Variants in INSYN2B observed in about 807,000 individuals in gnomAD.
The protein encoded by INSYN2B is protein INSYN2B.
In INSYN2B, 16 loss-of-function variants were observed where a neutral mutation model predicts 41.2. That is an observed-to-expected ratio of 0.39 (90% CI 0.26 to 0.59). INSYN2B has a LOEUF of 0.59. Among genes scored for constraint, INSYN2B ranks in the 20% least tolerant of loss-of-function variants. INSYN2B has a pLI of 0.57. For missense variants in INSYN2B, 608 were observed against 646.4 expected, an observed-to-expected ratio of 0.94 and a Z score of 0.64; for synonymous variants, 245 against 244.4, an observed-to-expected ratio of 1.00 and a Z score of -0.02.
chr5:169,868,051 A>G (rs1326293537), intron 3 of INSYN2B, among the ~76,000 whole-genome samples: 4 of 152,288 alleles, frequency 2.6e-5, no homozygotes, highest in East Asian at 1.9e-4. Context: ...TTCATCATAG[A>G]GTACCAGATA....
Position 169,863,792 on chromosome 5 carries a change from T to C in INSYN2B, c.*481A>G, listed in dbSNP as rs1771357777. On this transcript the variant is annotated 3_prime_UTR_variant, in exon 4 of 4. Transcript: ENST00000377365. ...CTTGTGCTTATTATGTATGCTGATA[T>C]CTTAGAAAACTGCCAGTTTATCTCA... 6.6e-6 allele frequency among the ~76,000 whole-genome samples: 1 copy of C among 152,262 alleles called. No individual in the cohort carries two copies. Among genetic ancestry groups the C allele is most frequent in the Non-Finnish European group, 1.5e-5 (1 of 68,046 alleles).
intron 1 of INSYN2B, among the ~76,000 whole-genome samples, chr5:169,887,520 G>A (rs948664553): frequency 6.6e-6 from 1 of 152,150 alleles, no homozygotes; most frequent in Non-Finnish European, 1.5e-5. Context: ...TTTGTTCACT[G>A]AACAACCTGG....
At chr5:169,942,259 T>C (rs1226382486) in intron 1 of INSYN2B, among the ~76,000 whole-genome samples, 1 of 152,188 alleles carries the variant, frequency 6.6e-6, no homozygotes, top group Non-Finnish European at 1.5e-5. Context: ...TTATCTTCCT[T>C]GGTCTATTCT....
intron 1 of INSYN2B, among the ~76,000 whole-genome samples, chr5:169,948,613 A>ATTTTTTTTTTTTTTTTTTTTTTTTTTTTT (rs772095719): frequency 7.4e-6 from 1 of 135,946 alleles, no homozygotes; most frequent in South Asian, 2.5e-4. Flanking sequence ...TCCACAATTA[A>ATTTTTTTTTTTTTTTTTTTTTTTTTTTTT]TTTTTTTTTT....
intron 1 of INSYN2B, among the ~76,000 whole-genome samples, chr5:169,976,355 A>G (rs1474339078): frequency 1.3e-5 from 2 of 152,340 alleles, no homozygotes; most frequent in East Asian, 3.9e-4. Context: ...ACCTCCAGGT[A>G]TCTAACTTTC....
chr5:169,929,917 GCATATTAAA>G (rs984774780), intron 1 of INSYN2B, among the ~76,000 whole-genome samples: 1 of 152,088 alleles, frequency 6.6e-6, no homozygotes, highest in Non-Finnish European at 1.5e-5. Flanking sequence ...TTAAACATAT[GCATATTAAA>G]CATATTAAAC....
chr5:169,870,586 A>G (rs888609423), intron 3 of INSYN2B, among the ~76,000 whole-genome samples: 1 of 151,702 alleles, frequency 6.6e-6, no homozygotes, highest in Non-Finnish European at 1.5e-5. Context: ...TTCTTTTTTT[A>G]ATTTTTTGAT....
chr5:169,906,018 T>C (rs1385682088), intron 1 of INSYN2B, among the ~76,000 whole-genome samples: 4 of 152,176 alleles, frequency 2.6e-5, no homozygotes, highest in Non-Finnish European at 5.9e-5. Context: ...GTTTAATATC[T>C]CAGCAGGTGT....
chr5:169,867,610 T>C lies in INSYN2B; in HGVS notation c.1422-3151A>G, dbSNP rs140993960. Among the ~76,000 whole-genome samples the C allele has an allele frequency of 7.7e-4, 105 of 136,280 alleles. 2 individuals carry two copies. In the East Asian group the frequency reaches 0.017, roughly 22 times the overall value. The allele number at this position is 136,280 out of a possible 152,430, so 89.4% of individuals were successfully genotyped here. On this transcript the variant is annotated intron_variant, in intron 3 of 3. Transcript: ENST00000377365. ...TCTATCGTTATCTATCCATCTATCA[T>C]GTATCATTATCTATCATCTATCTAT...
chr5:169,924,950 AGTCTTCCTGGGG>A (rs1378836516), intron 1 of INSYN2B, among the ~76,000 whole-genome samples: 1 of 152,194 alleles, frequency 6.6e-6, no homozygotes, highest in Non-Finnish European at 1.5e-5. Context: ...TGCTTCTCCC[AGTCTTCCTGGGG>A]ATGTTCCAAT....
chr5:169,957,119 G>T (rs1410582783), intron 1 of INSYN2B, among the ~76,000 whole-genome samples: 1 of 152,148 alleles, frequency 6.6e-6, no homozygotes, highest in Non-Finnish European at 1.5e-5. Context: ...AAGACTGTCA[G>T]TGCCATGAGG....
In INSYN2B at chr5:169,938,379, A is replaced by G. The variant is rs77585674; in HGVS notation, c.-919+41898T>C. 0.013 allele frequency among the ~76,000 whole-genome samples: 1,909 copies of G among 152,286 alleles called. 76 individuals are homozygous for G. The East Asian group carries it at 0.13, about 11-fold the overall frequency. Reference sequence around the variant, plus strand: ...GTGAACATCAGAGTGTACTCACACGAAGCTAGATGAGAGCCTACCTACTAC... The same window carrying G: ...GTGAACATCAGAGTGTACTCACACGGAGCTAGATGAGAGCCTACCTACTAC... On this transcript the variant is annotated intron_variant, in intron 1 of 3. Coordinates refer to ENST00000377365, the MANE Select transcript of INSYN2B (RefSeq NM_001129891.3).
intron 3 of INSYN2B, among the ~76,000 whole-genome samples, chr5:169,877,882 C>T (rs768652918): frequency 2.0e-5 from 3 of 152,100 alleles, no homozygotes; most frequent in African/African-American, 7.2e-5. Flanking sequence ...CTTCACCCAC[C>T]GAAAACCGTA....
rs1331442885 is a variant in INSYN2B at position 169,884,375 on chromosome 5, A to G, written c.-477T>C. 6.5e-6 allele frequency: 1 copy of G among 153,040 alleles called. No individual in the cohort carries two copies. The highest frequency in any genetic ancestry group is 2.4e-5 in the African/African-American group (1 of 41,510). 9.5% of individuals were successfully genotyped at this position (153,040 alleles called of 1,614,324 possible). A position where few individuals can be genotyped will look rare whatever the true frequency, so the allele number is the denominator to read the frequency against. On this transcript the variant is annotated 5_prime_UTR_variant, in exon 2 of 4. An upstream start codon of the reference 5' UTR is lost. Transcript: ENST00000377365. Reference sequence around the variant, plus strand: ...CATACAGCTTTTTGTTTCCCAGAGCATTAATTTCCAGGGTGAAACTGCAGG... The same window carrying G: ...CATACAGCTTTTTGTTTCCCAGAGCGTTAATTTCCAGGGTGAAACTGCAGG...
intron 1 of INSYN2B, among the ~76,000 whole-genome samples, chr5:169,947,404 C>T (rs1450906143): frequency 6.6e-6 from 1 of 152,238 alleles, no homozygotes; most frequent in Non-Finnish European, 1.5e-5. Context: ...TGCATGCTTT[C>T]TCATCCATTA....
intron 1 of INSYN2B, among the ~76,000 whole-genome samples, chr5:169,925,879 C>T (rs1425100579): frequency 2.0e-5 from 3 of 152,072 alleles, no homozygotes; most frequent in Admixed American, 2.0e-4. Context: ...AGAAGATGTT[C>T]CCTGGCAGCT....
chr5:169,953,257 CAGG>C (rs1776737247), intron 1 of INSYN2B, among the ~76,000 whole-genome samples: 1 of 150,542 alleles, frequency 6.6e-6, no homozygotes. Flanking sequence ...CACTTGAACC[CAGG>C]AGGCGGAGGT....
chr5:169,939,267 A>G (rs1256735590), intron 1 of INSYN2B, among the ~76,000 whole-genome samples: 1 of 150,134 alleles, frequency 6.7e-6, no homozygotes, highest in Non-Finnish European at 1.5e-5. Flanking sequence ...CACACACAGG[A>G]GCCTAGGTCT....
intron 3 of INSYN2B, among the ~76,000 whole-genome samples, chr5:169,873,191 T>C (rs1772096290): frequency 6.6e-6 from 1 of 152,240 alleles, no homozygotes; most frequent in African/African-American, 2.4e-5. Context: ...AAATCCTACT[T>C]CTTTTCCTTT....
Sources: gnomAD v4.1 joint callset for allele counts (sites outside exome capture counted in the v4.1 genomes callset) on GRCh38, gnomAD v4.1.1 for gene constraint, MANE v1.5 for transcripts, NCBI Gene and HGNC (gene_info 2026-07-23, HGNC 2026-07-21) for gene names.